Variants in IGDCC3 observed in about 807,000 individuals in gnomAD.
The protein encoded by IGDCC3 is putative neuronal cell adhesion molecule.
IGDCC3 carries 47 observed loss-of-function variants against 72.0 expected under a neutral mutation model. That is an observed-to-expected ratio of 0.65 (90% CI 0.52 to 0.83). The LOEUF (loss-of-function observed/expected upper bound fraction) is 0.83. Among genes scored for constraint, IGDCC3 ranks in the 40% least tolerant of loss-of-function variants. The pLI, the probability that IGDCC3 is intolerant of heterozygous loss-of-function variation, is 0.00. For missense variants in IGDCC3, 1,038 were observed against 1,091.3 expected, an observed-to-expected ratio of 0.95 and a Z score of 0.69; for synonymous variants, 477 against 472.8, an observed-to-expected ratio of 1.01 and a Z score of -0.11.
intron 2 of IGDCC3, among the ~76,000 whole-genome samples, chr15:65,363,651 C>CCCCGCA (rs1555432111): frequency 1.3e-5 from 2 of 151,354 alleles, no homozygotes; most frequent in African/African-American, 4.9e-5. Context: ...TGCTGCCCAC[C>CCCCGCA]CCCGCCACCC....
In IGDCC3 at chr15:65,328,946, G is replaced by A. The variant is rs764315149; in HGVS notation, c.2408C>T (p.Ala803Val). 1.8e-5 allele frequency: 28 copies of A among 1,566,640 alleles called. No homozygotes were observed. The highest frequency in any genetic ancestry group is 1.2e-4 in the Admixed American group (6 of 50,930). ...GTGAGCTGGCTGGGTAACCCGGGCC[G>A]CTGCAGGCCTGGAAGCCTGGCCTTC... ...LSEGQASRPA[A>V]ARVTQPAHSE... Residue 803 changes from alanine to valine, a missense_variant, in exon 14 of 14, where the codon GCG becomes GTG. Transcript: ENST00000327987.
chr15:65,329,581 C>G lies in IGDCC3; in HGVS notation c.2014G>C (p.Asp672His). Residue 672 changes from aspartate to histidine, a missense_variant, in exon 13 of 14, where the codon GAT becomes CAT. Transcript: ENST00000327987. This position sits in a 1 kb window ranked among gnomAD's most constrained non-coding sequence, Gnocchi z 4.1. The stretch of plus-strand genomic sequence containing the variant: ...GGAGGGGACAGCTGGTTTTCCACAT[C>G]TTTACACAGGAGGACCCTAAGGGTT... ...GQRGRVLLCK[D>H]VENQLSPPQG... is the part of the protein sequence containing the mutation. The G allele has an allele frequency of 6.2e-7, 1 of 1,612,828 alleles. No homozygotes were observed. The highest frequency in any genetic ancestry group is 8.5e-7 in the Non-Finnish European group (1 of 1,179,712).
At chr15:65,362,735 T>G (rs620104) in intron 2 of IGDCC3, among the ~76,000 whole-genome samples, 1 of 151,680 alleles carries the variant, frequency 6.6e-6, no homozygotes, top group African/African-American at 2.4e-5. Flanking sequence ...CGGTCGTCAG[T>G]GCAAGACTGT....
intron 2 of IGDCC3, among the ~76,000 whole-genome samples, chr15:65,347,701 C>T (rs1233818144): frequency 2.6e-5 from 4 of 152,124 alleles, no homozygotes; most frequent in African/African-American, 4.8e-5. Flanking sequence ...GAGGCCAAGA[C>T]GGGTGGATCA....
At chr15:65,341,689 C>T (rs898464748) in intron 2 of IGDCC3, among the ~76,000 whole-genome samples, 8 of 152,238 alleles carry the variant, frequency 5.3e-5, no homozygotes, top group African/African-American at 1.7e-4. Flanking sequence ...CAGGGCCTTA[C>T]ATCATCAGAA....
At position 65,329,311 on chromosome 15, in the gene IGDCC3, CA is replaced by C; in HGVS notation, c.2205+78del. 1 of 1,491,550 alleles carries C rather than the reference CA, an allele frequency of 6.7e-7. No individual in the cohort carries two copies. The allele number at this position is 1,491,550 out of a possible 1,614,324, so 92.4% of individuals were successfully genotyped here. On this transcript the variant is annotated intron_variant, in intron 13 of 13. Coordinates refer to ENST00000327987, the MANE Select transcript of IGDCC3 (RefSeq NM_004884.4). This position sits in a 1 kb window ranked among gnomAD's most constrained non-coding sequence, Gnocchi z 4.1. ...AAGGCCAATGATCGAGGCCCGTGGC[CA>C]AGGTGAAGGGGGGCAGGATTGGAAG...
chr15:65,362,686 G>A (rs1378435727), intron 2 of IGDCC3, among the ~76,000 whole-genome samples: 1 of 152,054 alleles, frequency 6.6e-6, no homozygotes, highest in Non-Finnish European at 1.5e-5. Flanking sequence ...GACAAACTGA[G>A]GCTCAGCAGT....
chr15:65,376,053 GTGT>G (rs2091356967), intron 1 of IGDCC3, among the ~76,000 whole-genome samples: 1 of 152,240 alleles, frequency 6.6e-6, no homozygotes, highest in African/African-American at 2.4e-5. Context: ...GGAGCAGGGT[GTGT>G]GGTCCCAGTA....
rs747778133 is a variant in IGDCC3 at position 65,375,136 on chromosome 15, C to G, written c.370G>C (p.Gly124Arg). ...DYECVAQNRF[G>R]LVVSRKARIQ... ...CGAGCCTTCCGGCTGACCACCAGCC[C>G]AAAGCGGTTCTGGGCCACACACTCA... is the stretch of plus-strand genomic sequence containing the variant. Residue 124 changes from glycine to arginine, a missense_variant, in exon 2 of 14, where the codon GGG becomes CGG. Transcript: ENST00000327987. 6 of 1,613,968 alleles carry G rather than the reference C, an allele frequency of 3.7e-6. No homozygotes were observed. The highest frequency in any genetic ancestry group is 5.1e-6 in the Non-Finnish European group (6 of 1,180,006).
intron 2 of IGDCC3, among the ~76,000 whole-genome samples, chr15:65,364,448 A>C (rs1201201032): frequency 6.6e-6 from 1 of 152,182 alleles, no homozygotes; most frequent in East Asian, 1.9e-4. Flanking sequence ...AAGAACCAGC[A>C]CATAGGTAGC....
chr15:65,355,911 G>T, intron 2 of IGDCC3: 1 of 304,700 alleles, frequency 3.3e-6, no homozygotes, highest in Non-Finnish European at 7.1e-6. Flanking sequence ...GCGCACTCGC[G>T]GCGGCGGAGG....
Position 65,329,233 on chromosome 15 carries a change from C to T in IGDCC3, c.2206-85G>A. 4 of 1,520,340 alleles carry T rather than the reference C, an allele frequency of 2.6e-6. No individual in the cohort carries two copies. Among genetic ancestry groups the T allele is most frequent in the Non-Finnish European group, 3.5e-6 (4 of 1,136,128 alleles). The allele number at this position is 1,520,340 out of a possible 1,614,324, so 94.2% of individuals were successfully genotyped here. On this transcript the variant is annotated intron_variant, in intron 13 of 13. Transcript: ENST00000327987. This position sits in a 1 kb window ranked among gnomAD's most constrained non-coding sequence, Gnocchi z 4.1. ...TCACCCCACTTGGGCCTTAGGGTCT[C>T]CAGGTCTCCCTGCCTGACTCAGGGA... is the stretch of plus-strand genomic sequence containing the variant.
chr15:65,364,244 C>G (rs1218495418), intron 2 of IGDCC3, among the ~76,000 whole-genome samples: 1 of 152,230 alleles, frequency 6.6e-6, no homozygotes, highest in African/African-American at 2.4e-5. Context: ...GAAATCCCAG[C>G]TTCCCCACTT....
In IGDCC3 at chr15:65,327,527, T is replaced by C. The variant is rs1050154455; in HGVS notation, c.*1382A>G. 6.6e-6 allele frequency: 1 copy of C among 152,184 alleles called. No individual in the cohort carries two copies. The highest frequency in any genetic ancestry group is 1.5e-5 in the Non-Finnish European group (1 of 68,026). 9.4% of individuals were successfully genotyped at this position (152,184 alleles called of 1,614,324 possible). ...ACTTATCTTTTTTCTTTAAAAAAAG[T>C]TTTTCTTCTGCTATTTAAAAAAATG... On this transcript the variant is annotated 3_prime_UTR_variant, in exon 14 of 14. Transcript: ENST00000327987.
At chr15:65,359,705 G>A (rs1214980196) in intron 2 of IGDCC3, among the ~76,000 whole-genome samples, 1 of 152,180 alleles carries the variant, frequency 6.6e-6, no homozygotes, top group African/African-American at 2.4e-5. Context: ...TACCAGAAGA[G>A]ACTGAAATAG....
intron 2 of IGDCC3, among the ~76,000 whole-genome samples, chr15:65,362,894 A>C (rs2091270511): frequency 8.0e-6 from 1 of 124,424 alleles, no homozygotes; most frequent in Admixed American, 1.1e-4. Flanking sequence ...TCGCTCTGTC[A>C]CCCAGGCTGG....
intron 2 of IGDCC3, among the ~76,000 whole-genome samples, chr15:65,366,670 G>A (rs1330151542): frequency 1.3e-5 from 2 of 152,150 alleles, no homozygotes; most frequent in Non-Finnish European, 2.9e-5. Flanking sequence ...TGAGTCAGGT[G>A]AGCCAGTCCT....
At chr15:65,372,838 G>A (rs890491168) in intron 2 of IGDCC3, among the ~76,000 whole-genome samples, 2 of 152,208 alleles carry the variant, frequency 1.3e-5, no homozygotes, top group Admixed American at 1.3e-4. Context: ...GAGGTTTCTA[G>A]GGACATCAGC....
chr15:65,360,411 G>A (rs1246769009), intron 2 of IGDCC3, among the ~76,000 whole-genome samples: 1 of 152,176 alleles, frequency 6.6e-6, no homozygotes, highest in Admixed American at 6.5e-5. Context: ...TGAGATAATG[G>A]AGTCAAGAAT....
Sources: gnomAD v4.1 joint callset for allele counts (sites outside exome capture counted in the v4.1 genomes callset) on GRCh38, gnomAD v4.1.1 for gene constraint, Gnocchi (gnomAD v3.1) non-coding constraint, MANE v1.5 for transcripts, NCBI Gene and HGNC (gene_info 2026-07-23, HGNC 2026-07-21) for gene names.